The following WDR43 variants were observed in gnomAD, a reference collection of about 807,000 sequenced individuals.
WDR43 encodes WD repeat domain 43.
WDR43 carries 13 observed loss-of-function variants against 91.4 expected under a neutral mutation model. The observed-to-expected ratio is 0.14, with a 90% confidence interval of 0.09 to 0.23. WDR43 has a LOEUF of 0.23. Among genes scored for constraint, WDR43 ranks in the 10% least tolerant of loss-of-function variants. The probability of loss-of-function intolerance (pLI) is 1.00; values close to 1 mark genes in which losing one functional copy is unlikely to be tolerated. For missense variants in WDR43, 780 were observed against 809.4 expected (o/e 0.96, Z 0.44); for synonymous variants, 331 against 287.9 (o/e 1.15, Z -1.51).
At chr2:28,931,441 C>T (rs1177929607) in intron 11 of WDR43, among the ~76,000 whole-genome samples, 1 of 152,132 alleles carries the variant, frequency 6.6e-6, no homozygotes, top group African/African-American at 2.4e-5. Context: ...TTGGTATGCC[C>T]CTTCTGTCTC....
rs775012174 is a variant in WDR43, at chr2:28,912,622, C to T, written c.518C>T (p.Ser173Phe). ...KWKGDNSSVS[S>F]LCISPDGKML... ...AAAGGCGACAATAGCAGTGTCAGTT[C>T]CCTATGTATCAGCCCAGATGGAAAG... Residue 173 changes from serine to phenylalanine, a missense_variant, in exon 4 of 18, where the codon TCC (serine) becomes TTC (phenylalanine). This residue lies in a region of WDR43 where 174 missense variants were observed against 207.3 expected (regional missense o/e 0.84). Coordinates refer to ENST00000407426, the MANE Select transcript of WDR43 (RefSeq NM_015131.3). 3 of 1,613,786 alleles carry T rather than the reference C, an allele frequency of 1.9e-6. No homozygotes were observed. The Admixed American group carries it at 5.0e-5, about 27-fold the overall frequency.
At chr2:28,941,346 T>C in intron 14 of WDR43, 115 bp from the exon 15 acceptor site, 1 of 701,260 alleles carries the variant, frequency 1.4e-6, no homozygotes, top group South Asian at 2.0e-5. Context: ...CTGGGAGTAC[T>C]TGTAAGCAGA....
intron 3 of WDR43, 25 bp from the exon 4 acceptor site, chr2:28,912,565 G>C (rs750941658): frequency 6.2e-7 from 1 of 1,603,776 alleles, no homozygotes; most frequent in Non-Finnish European, 8.5e-7. Context: ...GTATTGAGAT[G>C]CTTTTTTTTC....
intron 4 of WDR43, 107 bp downstream of exon 4, chr2:28,912,817 G>A (rs1670828793): frequency 7.1e-7 from 1 of 1,411,980 alleles, no homozygotes; most frequent in East Asian, 2.4e-5. Context: ...ATTCTTCATT[G>A]TCAGGTACAT....
At chr2:28,898,667 ATGTAATAAACTTAGTGGATTG>A (rs1670525469) in intron 1 of WDR43, among the ~76,000 whole-genome samples, 1 of 152,114 alleles carries the variant, frequency 6.6e-6, no homozygotes, top group Admixed American at 6.5e-5. Flanking sequence ...TTAGTGGATT[ATGTAATAAACTTAGTGGATTG>A]TAACATTAAA....
chr2:28,906,368 T>A, intron 2 of WDR43, 92 bp from the exon 3 acceptor site: 1 of 1,313,222 alleles, frequency 7.6e-7, no homozygotes, highest in Non-Finnish European at 1.0e-6. Context: ...ATGCCTGTAA[T>A]CCCAGCATCT....
chr2:28,927,521 CTAAGGT>C, intron 9 of WDR43, 42 bp from the exon 10 acceptor site: 2 of 1,604,476 alleles, frequency 1.2e-6, no homozygotes. Context: ...TACTTAAGGA[CTAAGGT>C]ATGATTTCCT....
At chr2:28,919,605 G>A (rs55727894) in intron 6 of WDR43, among the ~76,000 whole-genome samples, 1 of 149,844 alleles carries the variant, frequency 6.7e-6, no homozygotes, top group Non-Finnish European at 1.5e-5. Context: ...GCAGTGAGCC[G>A]AGATAGTGCC....
chr2:28,928,985 T>G (rs1671194796), intron 10 of WDR43, among the ~76,000 whole-genome samples: 1 of 152,088 alleles, frequency 6.6e-6, no homozygotes, highest in South Asian at 2.1e-4. Context: ...CACAGTTGAG[T>G]TTTTGTATAG....
intron 10 of WDR43, chr2:28,928,191 GT>G (rs1386442234): frequency 6.6e-6 from 1 of 152,194 alleles, no homozygotes; most frequent in Non-Finnish European, 1.5e-5. Context: ...GTGCAGAGTT[GT>G]TTTTTATCTT....
intron 13 of WDR43, 26 bp from the exon 14 acceptor site, chr2:28,937,905 T>C: frequency 1.2e-5 from 20 of 1,610,810 alleles, no homozygotes; most frequent in Non-Finnish European, 1.7e-5. Context: ...TTGTGAACAT[T>C]AGTTTACTTG....
chr2:28,938,012 C>G lies in WDR43; in HGVS notation c.1620+18C>G. 1 of 1,612,902 alleles carries G rather than the reference C, an allele frequency of 6.2e-7. No homozygotes were observed. The highest frequency in any genetic ancestry group is 2.2e-5 in the East Asian group (1 of 44,814). On this transcript the variant is annotated intron_variant, in intron 14 of 17. Transcript: ENST00000407426. ...TGTCCACGGTGAGTCTTTTCAGCTT[C>G]TGTTGCCGAGTATGAATAGTTTGGC...
At chr2:28,909,716 T>G (rs529832317) in intron 3 of WDR43, among the ~76,000 whole-genome samples, 1 of 151,896 alleles carries the variant, frequency 6.6e-6, no homozygotes, top group Non-Finnish European at 1.5e-5. Flanking sequence ...TCTACAAAAA[T>G]GAAAAAAATT....
intron 10 of WDR43, among the ~76,000 whole-genome samples, chr2:28,928,269 C>G (rs1317026597): frequency 2.6e-5 from 4 of 151,530 alleles, no homozygotes; most frequent in African/African-American, 9.7e-5. Flanking sequence ...TACAGAAATA[C>G]TAGGTTTCTT....
At chr2:28,907,903 C>CAAA (rs71403627) in intron 3 of WDR43, among the ~76,000 whole-genome samples, 58 of 146,492 alleles carry the variant, frequency 4.0e-4, no homozygotes, top group South Asian at 1.9e-3. Flanking sequence ...GACTCCGTCT[C>CAAA]AAAAAAAAAA....
chr2:28,920,288 C>T (rs767492623), intron 6 of WDR43, among the ~76,000 whole-genome samples: 4 of 127,070 alleles, frequency 3.1e-5, no homozygotes, highest in Admixed American at 9.2e-5. Context: ...TGTAGTGGTG[C>T]GATCTCAGCT....
At chr2:28,913,054 CG>C (rs1212292110) in intron 4 of WDR43, among the ~76,000 whole-genome samples, 2 of 150,688 alleles carry the variant, frequency 1.3e-5, no homozygotes, top group African/African-American at 2.4e-5. Context: ...CCAGGTTCAC[CG>C]CCATTCTCCT....
chr2:28,941,398 A>G (rs945815640), intron 14 of WDR43, 63 bp from the exon 15 acceptor site: 2 of 1,280,478 alleles, frequency 1.6e-6, no homozygotes, highest in African/African-American at 1.5e-5. Flanking sequence ...ATAGCTGAGC[A>G]TGATTTGCGT....
intron 16 of WDR43, 132 bp downstream of exon 16, chr2:28,942,513 A>G (rs1180136917): frequency 1.1e-6 from 1 of 922,272 alleles, no homozygotes; most frequent in Non-Finnish European, 1.6e-6. Flanking sequence ...AAAATAGGCA[A>G]GTCCGTGGCA....
Sources: allele counts gnomAD v4.1 joint callset (sites outside exome capture counted in the v4.1 genomes callset), GRCh38; gene constraint gnomAD v4.1.1; regional missense constraint gnomAD v4.1.1; transcripts MANE v1.5; gene names NCBI Gene and HGNC (gene_info 2026-07-23, HGNC 2026-07-21).